The following CLDN16 variants were observed in gnomAD, a reference collection of about 807,000 sequenced individuals.
CLDN16 encodes the protein claudin-16.
In CLDN16, 13 loss-of-function variants were observed where a neutral mutation model predicts 24.6. That is an observed-to-expected ratio of 0.53 (90% CI 0.34 to 0.84). CLDN16 has a LOEUF of 0.84. Among genes scored for constraint, CLDN16 ranks in the 40% least tolerant of loss-of-function variants. CLDN16 has a pLI of 0.01. For missense variants in CLDN16, 298 were observed against 292.7 expected, an observed-to-expected ratio of 1.02 and a Z score of -0.13; for synonymous variants, 116 against 106.7, an observed-to-expected ratio of 1.09 and a Z score of -0.54.
chr3:190,356,246 A>G lies in CLDN16; in HGVS notation n.122-14647A>G, dbSNP rs143419605. ...ATCCTGCATTTTATGGAGTTAATAA[A>G]AAACAAGCTTGAATATGTCTCTACA... On this transcript the variant is annotated intron_variant and non_coding_transcript_variant, in intron 1 of 4. Transcript: ENST00000468220. Among the ~76,000 whole-genome samples the G allele has an allele frequency of 1.6e-3, 248 of 151,930 alleles. 2 individuals carry two copies. The highest frequency in any genetic ancestry group is 4.8e-3 in the African/African-American group (201 of 41,514).
the CLDN16 span, among the ~76,000 whole-genome samples, chr3:190,300,275 A>C: frequency 0.58 from 87,535 of 151,720 alleles, 25,938 homozygotes; most frequent in African/African-American, 0.7. Context: ...GTAAATACAG[A>C]GGGGGCATTA....
Position 190,404,751 on chromosome 3 carries a change from T to C in CLDN16, c.218-11T>C. 1 of 1,614,072 alleles carries C rather than the reference T, an allele frequency of 6.2e-7. No homozygotes were observed. Among genetic ancestry groups the C allele is most frequent in the Non-Finnish European group, 8.5e-7 (1 of 1,179,904 alleles). ...CTGACTCTGCTTTAACCATATGCCC[T>C]GGTCTTCCAGTGAAGCTGGTGGTAA... On this transcript the variant is annotated splice_polypyrimidine_tract_variant and intron_variant, in intron 2 of 4. Coordinates refer to ENST00000264734, the MANE Select transcript of CLDN16 (RefSeq NM_006580.4).
chr3:190,293,489 A>G, the CLDN16 span, among the ~76,000 whole-genome samples: 1 of 152,224 alleles, frequency 6.6e-6, no homozygotes, highest in Non-Finnish European at 1.5e-5. Flanking sequence ...GGGAAACACA[A>G]TTATGAATTG....
At chr3:190,365,932 C>G (rs1024624744) in intron 1 of CLDN16, among the ~76,000 whole-genome samples, 1 of 151,812 alleles carries the variant, frequency 6.6e-6, no homozygotes, top group African/African-American at 2.4e-5. Context: ...GCACAGGCCT[C>G]TACATAATTC....
chr3:190,409,937 G>C lies in CLDN16; in HGVS notation c.609G>C (p.Leu203Phe). The C allele has an allele frequency of 6.2e-7, 1 of 1,613,952 alleles. No individual in the cohort carries two copies. The highest frequency in any genetic ancestry group is 8.5e-7 in the Non-Finnish European group (1 of 1,179,936). ...VGPERNYPYSLRKAYSAAGVS... is the reference protein window; with the variant it reads ...VGPERNYPYSFRKAYSAAGVS... ...CTGAGAGAAACTATCCTTATTCCTTGAGGAAAGCCTATTCAGCCGCGGGTG... is the reference window on the plus strand; with the variant it reads ...CTGAGAGAAACTATCCTTATTCCTTCAGGAAAGCCTATTCAGCCGCGGGTG... The change falls in exon 5 of 5, where the codon TTG becomes TTC. Residue 203 changes from leucine (L) to phenylalanine (F), a missense_variant. Leu to Phe is a conservative substitution (Grantham distance 22). Transcript: ENST00000264734.
At chr3:190,318,240 G>A (rs926363161), upstream of CLDN16, among the ~76,000 whole-genome samples, 1 of 152,146 alleles carries the variant, frequency 6.6e-6, no homozygotes, top group Non-Finnish European at 1.5e-5. Context: ...CAGAAGTTTT[G>A]CTACCTTTCT....
the CLDN16 span, among the ~76,000 whole-genome samples, chr3:190,311,298 C>T: frequency 6.6e-6 from 1 of 152,158 alleles, no homozygotes; most frequent in Non-Finnish European, 1.5e-5. Context: ...CTTCATGCCA[C>T]GATGGCCACA....
At position 190,409,993 on chromosome 3, in the gene CLDN16, G is replaced by A. The variant is rs752758478; in HGVS notation, c.665G>A (p.Arg222His). 8.7e-6 allele frequency: 14 copies of A among 1,614,004 alleles called. No individual in the cohort carries two copies. The highest frequency in any genetic ancestry group is 6.7e-5 in the Admixed American group (4 of 60,010). Residue 222 changes from arginine to histidine, a missense_variant, in exon 5 of 5, where the codon CGC becomes CAC. Arg to His is a conservative substitution (Grantham distance 29). Transcript: ENST00000264734. Reference protein sequence around the residue: ...VSMAKSYSAPRTETAKMYAVD... With the variant: ...VSMAKSYSAPHTETAKMYAVD... ...ATGGCCAAGTCATACTCAGCCCCTC[G>A]CACAGAGACGGCCAAAATGTATGCT...
chr3:190,293,516 T>C, the CLDN16 span, among the ~76,000 whole-genome samples: 3 of 152,194 alleles, frequency 2.0e-5, no homozygotes, highest in African/African-American at 7.2e-5. Flanking sequence ...AAGATAATCA[T>C]GCTGCTCTCT....
upstream of CLDN16, among the ~76,000 whole-genome samples, chr3:190,386,011 A>C (rs1718489673): frequency 6.6e-6 from 1 of 152,158 alleles, no homozygotes; most frequent in Non-Finnish European, 1.5e-5. Context: ...ACTCAGGTTG[A>C]AGAACTACTG....
chr3:190,346,914 A>G (rs1327989574), intron 1 of CLDN16, among the ~76,000 whole-genome samples: 2 of 152,156 alleles, frequency 1.3e-5, no homozygotes, highest in Non-Finnish European at 2.9e-5. Flanking sequence ...ACCCTAATCC[A>G]GTATTACCTT....
intron 1 of CLDN16, among the ~76,000 whole-genome samples, chr3:190,329,592 C>G (rs895836766): frequency 6.6e-6 from 1 of 151,966 alleles, no homozygotes; most frequent in African/African-American, 2.4e-5. Context: ...GCTGTATTGT[C>G]TTAGGAGGAA....
At chr3:190,305,137 C>T in the CLDN16 span, among the ~76,000 whole-genome samples, 1 of 152,192 alleles carries the variant, frequency 6.6e-6, no homozygotes, top group Non-Finnish European at 1.5e-5. Context: ...TTGCACCTCA[C>T]CCATCATGCT....
chr3:190,400,756 A>G (rs1048634758), intron 1 of CLDN16, among the ~76,000 whole-genome samples: 2 of 152,174 alleles, frequency 1.3e-5, no homozygotes, highest in African/African-American at 4.8e-5. Context: ...TGTCTTGGCT[A>G]TTGTGAATAG....
Position 190,410,029 on chromosome 3 carries a change from G to A in CLDN16, c.701G>A (p.Arg234Lys), listed in dbSNP as rs1193773094. Reference protein sequence around the residue: ...ETAKMYAVDTRV With the variant: ...ETAKMYAVDTKV ...GCCAAAATGTATGCTGTAGACACAA[G>A]GGTGTAAAATGCACGTTTCAGGGTG... Residue 234 changes from arginine (R) to lysine (K), a missense_variant, in exon 5 of 5, where the codon AGG becomes AAG. Physicochemically the swap from Arg to Lys is conservative, Grantham distance 26. Transcript: ENST00000264734. The A allele has an allele frequency of 6.2e-7, 1 of 1,614,068 alleles. No homozygotes were observed. Among genetic ancestry groups the A allele is most frequent in the Non-Finnish European group, 8.5e-7 (1 of 1,179,998 alleles).
intron 3 of CLDN16, among the ~76,000 whole-genome samples, chr3:190,378,602 A>G (rs1471156396): frequency 6.6e-6 from 1 of 152,068 alleles, no homozygotes; most frequent in Non-Finnish European, 1.5e-5. Context: ...TCAATGGTAG[A>G]TGAGTTCTTA....
chr3:190,302,826 A>G, the CLDN16 span, among the ~76,000 whole-genome samples: 6 of 150,952 alleles, frequency 4.0e-5, no homozygotes, highest in African/African-American at 1.5e-4. Context: ...CTATGTTTAG[A>G]AAGTATGTCT....
At position 190,367,387 on chromosome 3, in the gene CLDN16, A is replaced by G. The variant is rs140328884; in HGVS notation, n.122-3506A>G. On this transcript the variant is annotated intron_variant and non_coding_transcript_variant, in intron 1 of 4. Coordinates refer to the CLDN16 transcript ENST00000468220. ...AATTATCTTCCCCCTGGAATTTACT[A>G]GCACACAATATGAAAGCCATCAAAC... Among the ~76,000 whole-genome samples, 616 of 152,038 alleles carry G rather than the reference A, an allele frequency of 4.1e-3. 5 individuals are homozygous for G. The highest frequency in any genetic ancestry group is 0.014 in the African/African-American group (586 of 41,536).
At position 190,336,934 on chromosome 3, in the gene CLDN16, G is replaced by A. The variant is rs1717324885; in HGVS notation, n.121+14273G>A. On this transcript the variant is annotated intron_variant and non_coding_transcript_variant, in intron 1 of 4. Transcript: ENST00000468220. ...AATATCCAAAGGGCATATGTAAGCT[G>A]GATGAACAAATATTCCAGACTTCTT... Among the ~76,000 whole-genome samples the A allele has an allele frequency of 3.3e-5, 5 of 152,206 alleles. No homozygotes were observed. The South Asian group carries it at 1.0e-3, about 32-fold the overall frequency.
Sources: allele counts gnomAD v4.1 joint callset (sites outside exome capture counted in the v4.1 genomes callset), GRCh38; gene constraint gnomAD v4.1.1; transcripts MANE v1.5; gene names NCBI Gene and HGNC (gene_info 2026-07-23, HGNC 2026-07-21).